DMTN: variants seen among roughly 807,000 people sequenced by gnomAD.
DMTN encodes the protein dematin.
DMTN carries 27 observed loss-of-function variants against 59.4 expected under a neutral mutation model. The observed-to-expected ratio is 0.45, with a 90% confidence interval of 0.33 to 0.63. DMTN has a LOEUF of 0.63. DMTN is among the 20% of genes least tolerant of loss of function. The probability of loss-of-function intolerance (pLI) is 0.02; values close to 1 mark genes in which losing one functional copy is unlikely to be tolerated. For missense variants in DMTN, 451 were observed against 528.9 expected (o/e 0.85, Z 1.45); for synonymous variants, 221 against 203.7 (o/e 1.08, Z -0.72).
At chr8:22,073,466 A>T (rs1291627622) in intron 9 of DMTN, among the ~76,000 whole-genome samples, 1 of 149,756 alleles carries the variant, frequency 6.7e-6, no homozygotes, top group African/African-American at 2.5e-5. Flanking sequence ...TCTGTATATA[A>T]AAAAAAAACA....
At chr8:22,080,070 G>A (rs7001965) in intron 10 of DMTN, 110 bp from the exon 11 acceptor site, 74,373 of 1,278,776 alleles carry the variant, frequency 0.058, 4,766 homozygotes, top group African/African-American at 0.32. Context: ...TCCCCCCAGC[G>A]TGATCCCTTC....
chr8:22,051,529 C>T (rs550846632), upstream of DMTN, among the ~76,000 whole-genome samples: 1 of 152,264 alleles, frequency 6.6e-6, no homozygotes, highest in Admixed American at 6.5e-5. Context: ...AACCGTTTCT[C>T]CTTAAGCCAC....
Position 22,082,174 on chromosome 8 carries a change from G to T in DMTN, c.*711G>T, listed in dbSNP as rs1298891510. On this transcript the variant is annotated 3_prime_UTR_variant, in exon 16 of 16. Coordinates refer to ENST00000358242, the MANE Select transcript of DMTN (RefSeq NM_001387751.1). Reference sequence around the variant, plus strand: ...GCACTAAGCCAGGCACCGGGCAGAAGCTGGGCCTTCCGCCTCCCTTGGATG... The same window carrying T: ...GCACTAAGCCAGGCACCGGGCAGAATCTGGGCCTTCCGCCTCCCTTGGATG... The T allele has an allele frequency of 2.2e-6, 1 of 456,854 alleles. No individual in the cohort carries two copies. The highest frequency in any genetic ancestry group is 1.5e-5 in the South Asian group (1 of 64,572). 28.3% of individuals were successfully genotyped at this position (456,854 alleles called of 1,614,324 possible).
intron 6 of DMTN, 70 bp downstream of exon 6, chr8:22,069,588 C>A: frequency 7.6e-7 from 1 of 1,310,902 alleles, no homozygotes; most frequent in Non-Finnish European, 1.1e-6. Flanking sequence ...TCCCCTTACG[C>A]TCAGTCCCCC....
intron 1 of DMTN, among the ~76,000 whole-genome samples, chr8:22,065,377 G>A (rs1193474419): frequency 6.6e-6 from 1 of 152,212 alleles, no homozygotes; most frequent in Non-Finnish European, 1.5e-5. Context: ...GTAATCAAGT[G>A]CTTAGCTACA....
upstream of DMTN, among the ~76,000 whole-genome samples, chr8:22,053,969 G>A (rs764266654): frequency 2.6e-5 from 4 of 152,142 alleles, no homozygotes; most frequent in Non-Finnish European, 5.9e-5. Flanking sequence ...TGAGAGGTCA[G>A]AGGCCTTCCC....
At chr8:22,070,038 T>A (rs111341293) in intron 7 of DMTN, 101 bp downstream of exon 7, 19,953 of 1,567,334 alleles carry the variant, frequency 0.013, 170 homozygotes, top group Non-Finnish European at 0.013. Flanking sequence ...GAGGATAGCA[T>A]GTCACAGCAG....
rs1382105936 is a variant in DMTN at position 22,060,429 on chromosome 8, T to C, written c.-172+3293T>C. 6.6e-6 allele frequency among the ~76,000 whole-genome samples: 1 copy of C among 151,538 alleles called. No individual in the cohort carries two copies. Among genetic ancestry groups the C allele is most frequent in the Non-Finnish European group, 1.5e-5 (1 of 67,948 alleles). On this transcript the variant is annotated intron_variant, in intron 1 of 15. Coordinates refer to ENST00000358242, the MANE Select transcript of DMTN (RefSeq NM_001387751.1). The surrounding 1 kb of genome is among the most constrained non-coding windows in gnomAD (Gnocchi z 5.0). ...TTCTGTCTCGCTCTCTCTCTCTCTCTCTCCCCCTCACACATGCGCACGCAC... is the reference window on the plus strand; with the variant it reads ...TTCTGTCTCGCTCTCTCTCTCTCTCCCTCCCCCTCACACATGCGCACGCAC...
chr8:22,079,272 A>AT (rs1491423737), intron 10 of DMTN, among the ~76,000 whole-genome samples: 1,456 of 43,680 alleles, frequency 0.033, 54 homozygotes, highest in African/African-American at 0.12. Flanking sequence ...ATAAATAAAT[A>AT]AATAAATATA....
At position 22,058,840 on chromosome 8, in the gene DMTN, G is replaced by C. The variant is rs554481034; in HGVS notation, c.-172+1704G>C. 5.3e-4 allele frequency among the ~76,000 whole-genome samples: 81 copies of C among 152,258 alleles called. No homozygotes were observed. The highest frequency in any genetic ancestry group is 1.0e-3 in the Admixed American group (16 of 15,296). ...GCCTTAGGACAGACTTGGAGTTCAG[G>C]CTTCGCCTAAGTAAGGGACACCTCT... On this transcript the variant is annotated intron_variant, in intron 1 of 15. Transcript: ENST00000358242. This position sits in a 1 kb window ranked among gnomAD's most constrained non-coding sequence, Gnocchi z 4.3.
upstream of DMTN, among the ~76,000 whole-genome samples, chr8:22,052,837 C>T (rs902834507): frequency 6.6e-6 from 1 of 152,122 alleles, no homozygotes; most frequent in Non-Finnish European, 1.5e-5. Context: ...TCCCATGTAG[C>T]ACATGTGGAT....
At chr8:22,069,329 G>C in intron 5 of DMTN, 90 bp from the exon 6 acceptor site, 1 of 1,166,980 alleles carries the variant, frequency 8.6e-7, no homozygotes, top group Non-Finnish European at 1.2e-6. Flanking sequence ...GCCAGGATGG[G>C]AGGACAGAGA....
chr8:22,073,653 GAAAGAAAAAAAA>G (rs755540108), intron 9 of DMTN, 65 bp from the exon 10 acceptor site: 3 of 718,516 alleles, frequency 4.2e-6, no homozygotes, highest in Admixed American at 4.8e-5. Flanking sequence ...AAAAAAAAAA[GAAAGAAAAAAAA>G]AAAGAGAAAA....
intron 1 of DMTN, among the ~76,000 whole-genome samples, chr8:22,062,971 C>T (rs1216225722): frequency 6.6e-6 from 1 of 152,180 alleles, no homozygotes; most frequent in Non-Finnish European, 1.5e-5. Flanking sequence ...TTTTCAGTTC[C>T]CCAGGTTCCC....
chr8:22,069,850 T>G (rs1193291957), intron 6 of DMTN, 31 bp from the exon 7 acceptor site: 4 of 1,611,708 alleles, frequency 2.5e-6, no homozygotes, highest in Non-Finnish European at 3.4e-6. Flanking sequence ...CATCAGCATG[T>G]CCTCCTCCTC....
chr8:22,067,114 C>T lies in DMTN; in HGVS notation c.48C>T (p.Ser16=). 6.2e-7 allele frequency: 1 copy of T among 1,606,906 alleles called. No homozygotes were observed. Among genetic ancestry groups the T allele is most frequent in the South Asian group, 1.1e-5 (1 of 90,598 alleles). Residue 16 remains serine, a synonymous_variant, in exon 3 of 16, where the codon AGC becomes AGT. Transcript: ENST00000358242. Reference sequence around the variant, plus strand: ...CACTTACCTCCCCCGGGAGCGTGAGCCCCTCCCGAGATTCCAGTGTGCCTG... The same window carrying T: ...CACTTACCTCCCCCGGGAGCGTGAGTCCCTCCCGAGATTCCAGTGTGCCTG... ...KQPLTSPGSV[S]PSRDSSVPGS...
At position 22,070,284 on chromosome 8, in the gene DMTN, C is replaced by T. The variant is rs1332804964; in HGVS notation, c.554C>T (p.Ala185Val). 1 of 1,613,558 alleles carries T rather than the reference C, an allele frequency of 6.2e-7. No homozygotes were observed. The highest frequency in any genetic ancestry group is 8.5e-7 in the Non-Finnish European group (1 of 1,179,802). ...AAQPPDPNQP[A>V]KIETDYWPCP... The stretch of plus-strand genomic sequence containing the variant: ...CAGCCCCCAGACCCCAACCAGCCAG[C>T]CAAAATCGAAACCGACTACTGGCCA... Residue 185 changes from alanine (A) to valine (V), a missense_variant, in exon 8 of 16, where the codon GCC (alanine) becomes GTC (valine). Physicochemically the swap from Ala to Val is moderately conservative, Grantham distance 64. Coordinates refer to ENST00000358242, the MANE Select transcript of DMTN (RefSeq NM_001387751.1).
chr8:22,078,376 A>T (rs1193551444), intron 10 of DMTN, among the ~76,000 whole-genome samples: 1 of 149,030 alleles, frequency 6.7e-6, no homozygotes, highest in Non-Finnish European at 1.5e-5. Flanking sequence ...AAAAACAAAA[A>T]ATATATATAT....
chr8:22,053,721 C>G (rs909521469), upstream of DMTN: 2 of 152,276 alleles, frequency 1.3e-5, no homozygotes, highest in Non-Finnish European at 2.9e-5. Flanking sequence ...ATACAGGAAT[C>G]CTGGCCCCGT....
Sources: allele counts gnomAD v4.1 joint callset (sites outside exome capture counted in the v4.1 genomes callset), GRCh38; gene constraint gnomAD v4.1.1; non-coding constraint Gnocchi (gnomAD v3.1); transcripts MANE v1.5; gene names NCBI Gene and HGNC (gene_info 2026-07-23, HGNC 2026-07-21).